Variants in C1QTNF3 observed in about 807,000 individuals in gnomAD.
C1QTNF3 encodes C1q and TNF related 3.
A neutral mutation model predicts 32.6 loss-of-function variants in C1QTNF3; 26 were observed. The ratio of observed to expected loss-of-function variants is 0.80; its 90% CI spans 0.58 to 1.11. C1QTNF3 has a LOEUF of 1.11. Ranked by LOEUF, C1QTNF3 falls within the 50% of genes least tolerant of loss-of-function variation. The probability of loss-of-function intolerance (pLI) is 0.00; values close to 1 mark genes in which losing one functional copy is unlikely to be tolerated. For synonymous variants in C1QTNF3, 155 were observed against 146.0 expected (o/e 1.06, Z -0.44); for missense variants, 362 against 398.2 (o/e 0.91, Z 0.77).
the C1QTNF3 span, among the ~76,000 whole-genome samples, chr5:34,056,452 GTGTATATA>G: frequency 7.5e-5 from 4 of 53,488 alleles, no homozygotes; most frequent in Middle Eastern, 0.01. Flanking sequence ...GTGTGTGTGT[GTGTATATA>G]TATATATATA....
the C1QTNF3 span, among the ~76,000 whole-genome samples, chr5:34,081,490 T>C: frequency 6.6e-6 from 1 of 151,778 alleles, no homozygotes; most frequent in African/African-American, 2.4e-5. Context: ...CATGAAATGT[T>C]TCTAACTTAT....
the C1QTNF3 span, among the ~76,000 whole-genome samples, chr5:34,117,180 C>T: frequency 6.6e-6 from 1 of 152,114 alleles, no homozygotes; most frequent in East Asian, 1.9e-4. Context: ...TGTGTCTTTG[C>T]ACTTCTGTTT....
chr5:34,067,570 G>A, the C1QTNF3 span, among the ~76,000 whole-genome samples: 1 of 152,196 alleles, frequency 6.6e-6, no homozygotes, highest in African/African-American at 2.4e-5. Flanking sequence ...CAGATCTCAT[G>A]AGACTTATTC....
chr5:34,126,802 C>T, the C1QTNF3 span, among the ~76,000 whole-genome samples: 9 of 152,064 alleles, frequency 5.9e-5, no homozygotes, highest in African/African-American at 2.2e-4. Flanking sequence ...AATGAATAAA[C>T]CTGGAAGACC....
At chr5:34,042,070 T>G (rs1754884132) in intron 1 of C1QTNF3, among the ~76,000 whole-genome samples, 1 of 151,064 alleles carries the variant, frequency 6.6e-6, no homozygotes, top group South Asian at 2.1e-4. Context: ...TAAATTACAT[T>G]GAGTTTCACC....
At chr5:34,025,868 C>A (rs546657127) in intron 4 of C1QTNF3, among the ~76,000 whole-genome samples, 1 of 152,322 alleles carries the variant, frequency 6.6e-6, no homozygotes, top group East Asian at 1.9e-4. Context: ...CATAAACCTT[C>A]AGAGCAGAAA....
chr5:34,128,783 T>G, the C1QTNF3 span, among the ~76,000 whole-genome samples: 6 of 152,304 alleles, frequency 3.9e-5, no homozygotes, highest in South Asian at 8.3e-4. Context: ...TGTTTTTGAT[T>G]TTACAGGCTC....
At chr5:34,065,124 A>G in the C1QTNF3 span, among the ~76,000 whole-genome samples, 1 of 152,208 alleles carries the variant, frequency 6.6e-6, no homozygotes, top group Non-Finnish European at 1.5e-5. Flanking sequence ...GACTGGGAAA[A>G]AATATTCACA....
Position 34,035,892 on chromosome 5 carries a change from T to G in C1QTNF3, c.304-134A>C, listed in dbSNP as rs148145010. 12 of 666,178 alleles carry G rather than the reference T, an allele frequency of 1.8e-5. No individual in the cohort carries two copies. The Admixed American group carries it at 3.4e-4, about 19-fold the overall frequency. The allele number at this position is 666,178 out of a possible 1,614,324, so 41.3% of individuals were successfully genotyped here. A position where few individuals can be genotyped will look rare whatever the true frequency, so the allele number is the denominator to read the frequency against. On this transcript the variant is annotated intron_variant, in intron 1 of 5. Coordinates refer to ENST00000382065, the MANE Select transcript of C1QTNF3 (RefSeq NM_181435.6). Reference sequence around the variant, plus strand: ...CACAGCAAGATCACAAAAGATGGGATGGGGTGGAGATATCAATGGCAAAGG... The same window carrying G: ...CACAGCAAGATCACAAAAGATGGGAGGGGGTGGAGATATCAATGGCAAAGG...
the C1QTNF3 span, among the ~76,000 whole-genome samples, chr5:34,075,922 G>A: frequency 7.9e-4 from 119 of 150,152 alleles, 4 homozygotes; most frequent in African/African-American, 2.7e-3. Context: ...CACACACGGT[G>A]GAATATTCAT....
At chr5:34,133,790 AG>A in the C1QTNF3 span, among the ~76,000 whole-genome samples, 2,015 of 152,364 alleles carry the variant, frequency 0.013, 23 homozygotes, top group South Asian at 0.031. Context: ...AGGAAATGCC[AG>A]GGGCTTCTTT....
chr5:34,234,785 C>T, the C1QTNF3 span, among the ~76,000 whole-genome samples: 2 of 152,112 alleles, frequency 1.3e-5, no homozygotes, highest in Non-Finnish European at 2.9e-5. Context: ...TTTACATTTT[C>T]TCTTATTCTC....
intron 5 of C1QTNF3, 72 bp from the exon 6 acceptor site, chr5:34,020,814 T>C: frequency 6.9e-7 from 1 of 1,443,742 alleles, no homozygotes; most frequent in South Asian, 1.2e-5. Flanking sequence ...AAGTCTGTGC[T>C]CCCCTTCTCT....
the C1QTNF3 span, among the ~76,000 whole-genome samples, chr5:34,213,176 G>A: frequency 6.6e-6 from 1 of 152,002 alleles, no homozygotes; most frequent in Non-Finnish European, 1.5e-5. Context: ...ACATAACAAC[G>A]TTTACATCAA....
the C1QTNF3 span, among the ~76,000 whole-genome samples, chr5:34,179,523 AAAG>A: frequency 7.0e-6 from 1 of 143,418 alleles, no homozygotes; most frequent in East Asian, 2.1e-4. Flanking sequence ...AAAGAAAAGA[AAAG>A]AAAAAAAAAA....
chr5:34,238,601 A>G, the C1QTNF3 span, among the ~76,000 whole-genome samples: 1 of 152,060 alleles, frequency 6.6e-6, no homozygotes, highest in Non-Finnish European at 1.5e-5. Context: ...GAATTAAAAA[A>G]AGAAAATGAA....
chr5:34,028,986 G>A, intron 3 of C1QTNF3, 103 bp from the exon 4 acceptor site: 1 of 894,882 alleles, frequency 1.1e-6, no homozygotes, highest in Non-Finnish European at 1.7e-6. Context: ...AGCAAGATTG[G>A]GAATAAACAT....
At chr5:34,143,024 G>A in the C1QTNF3 span, among the ~76,000 whole-genome samples, 2 of 152,130 alleles carry the variant, frequency 1.3e-5, no homozygotes, top group Admixed American at 6.5e-5. Flanking sequence ...CCCAATCCAA[G>A]GAATGCAAGG....
At chr5:34,196,429 C>A in the C1QTNF3 span, among the ~76,000 whole-genome samples, 127 of 152,210 alleles carry the variant, frequency 8.3e-4, no homozygotes, top group African/African-American at 2.9e-3. Flanking sequence ...TAAGCCACCA[C>A]GCCTGGTCAA....
Sources: allele counts gnomAD v4.1 joint callset (sites outside exome capture counted in the v4.1 genomes callset), GRCh38; gene constraint gnomAD v4.1.1; transcripts MANE v1.5; gene names NCBI Gene and HGNC (gene_info 2026-07-23, HGNC 2026-07-21).